The following KATNAL1 variants were observed in gnomAD, a reference collection of about 807,000 sequenced individuals.
The protein encoded by KATNAL1 is katanin p60 ATPase-containing subunit A-like 1.
A neutral mutation model predicts 55.2 loss-of-function variants in KATNAL1; 32 were observed. That is an observed-to-expected ratio of 0.58 (90% CI 0.44 to 0.78). The LOEUF (loss-of-function observed/expected upper bound fraction) is 0.78. Ranked by LOEUF, KATNAL1 falls within the 30% of genes least tolerant of loss-of-function variation. KATNAL1 has a pLI of 0.00. For synonymous variants in KATNAL1, 193 were observed against 193.6 expected (o/e 1.00, Z 0.02); for missense variants, 466 against 600.9 (o/e 0.78, Z 2.35).
At position 30,205,432 on chromosome 13, in the gene KATNAL1, A is replaced by G. The variant is rs1300847542; in HGVS notation, c.*3108T>C. On this transcript the variant is annotated 3_prime_UTR_variant, in exon 11 of 11. Transcript: ENST00000380615. The stretch of plus-strand genomic sequence containing the variant: ...CAAAGCAGACTTAGCTTAGTCCTAC[A>G]GTCATTGTGCTGCAGAACTCAAAAT... 1 of 152,294 alleles carries G rather than the reference A, an allele frequency of 6.6e-6. No homozygotes were observed. Among genetic ancestry groups the G allele is most frequent in the Non-Finnish European group, 1.5e-5 (1 of 68,078 alleles). The allele number at this position is 152,294 out of a possible 1,614,324, so 9.4% of individuals were successfully genotyped here.
chr13:30,274,948 C>CAA, intron 3 of KATNAL1, among the ~76,000 whole-genome samples: 1 of 148,042 alleles, frequency 6.8e-6, no homozygotes, highest in Non-Finnish European at 1.5e-5. Flanking sequence ...CACACACACA[C>CAA]ACACAGGAAT....
intron 3 of KATNAL1, among the ~76,000 whole-genome samples, chr13:30,262,028 A>G (rs1002244159): frequency 6.6e-6 from 1 of 152,198 alleles, no homozygotes; most frequent in African/African-American, 2.4e-5. Flanking sequence ...CTCTCAGACC[A>G]CAGTGCAATC....
In KATNAL1 at chr13:30,240,954, C is replaced by CT; in HGVS notation, c.620+4dup. On this transcript the variant is annotated splice_donor_region_variant and intron_variant, in intron 5 of 10. Coordinates refer to ENST00000380615, the MANE Select transcript of KATNAL1 (RefSeq NM_032116.5). ...CTTTAATTCAATAATTTGAAAGACT[C>CT]TAACCAATGAATGCTAGGATTCCTG... The CT allele has an allele frequency of 1.2e-6, 2 of 1,610,982 alleles. No individual in the cohort carries two copies. The highest frequency in any genetic ancestry group is 1.7e-6 in the Non-Finnish European group (2 of 1,178,916).
intron 3 of KATNAL1, among the ~76,000 whole-genome samples, chr13:30,271,517 G>A (rs764989634): frequency 4.6e-5 from 7 of 152,040 alleles, no homozygotes; most frequent in Non-Finnish European, 8.8e-5. Flanking sequence ...GGGTGCGGGC[G>A]GAAGGTCAGG....
At chr13:30,262,444 A>C (rs1879383033) in intron 3 of KATNAL1, among the ~76,000 whole-genome samples, 1 of 152,208 alleles carries the variant, frequency 6.6e-6, no homozygotes, top group Non-Finnish European at 1.5e-5. Flanking sequence ...GTTTTTTGAA[A>C]GGATCAAAAA....
At chr13:30,304,792 C>T (rs1331558846) in intron 1 of KATNAL1, among the ~76,000 whole-genome samples, 1 of 152,180 alleles carries the variant, frequency 6.6e-6, no homozygotes, top group Non-Finnish European at 1.5e-5. Flanking sequence ...CAACTAATAT[C>T]TTTATATTTC....
At chr13:30,274,907 G>GCGCGCGCGCGCACACACACACA (rs869107567) in intron 3 of KATNAL1, among the ~76,000 whole-genome samples, 1 of 105,390 alleles carries the variant, frequency 9.5e-6, no homozygotes, top group Non-Finnish European at 1.9e-5. Flanking sequence ...GCGCGCGCGC[G>GCGCGCGCGCGCACACACACACA]CACACACACA....
intron 10 of KATNAL1, among the ~76,000 whole-genome samples, chr13:30,208,991 C>G (rs539978708): frequency 6.6e-6 from 1 of 152,292 alleles, no homozygotes; most frequent in South Asian, 2.1e-4. Context: ...ACTGAATTTT[C>G]TTTTCTCCAC....
rs1295520190 is a variant in KATNAL1, at chr13:30,202,739, T to C, written c.*5801A>G. 1 of 152,198 alleles carries C rather than the reference T, an allele frequency of 6.6e-6. No individual in the cohort carries two copies. The highest frequency in any genetic ancestry group is 2.4e-5 in the African/African-American group (1 of 41,450). 9.4% of individuals were successfully genotyped at this position (152,198 alleles called of 1,614,324 possible). A position where few individuals can be genotyped will look rare whatever the true frequency, so the allele number is the denominator to read the frequency against. ...CACAAAAGGTAAGGAAAAACACATT[T>C]AATAAATACAACTTGGAAACGTCTT... On this transcript the variant is annotated 3_prime_UTR_variant, in exon 11 of 11. Coordinates refer to ENST00000380615, the MANE Select transcript of KATNAL1 (RefSeq NM_032116.5).
At position 30,203,558 on chromosome 13, in the gene KATNAL1, T is replaced by C. The variant is rs184894472; in HGVS notation, c.*4982A>G. On this transcript the variant is annotated 3_prime_UTR_variant, in exon 11 of 11. Coordinates refer to ENST00000380615, the MANE Select transcript of KATNAL1 (RefSeq NM_032116.5). ...TCTATACAAATTCCCTATTTTTTTG[T>C]GTCAAATTTCCATATGTACAAAAAC... 3 of 152,232 alleles carry C rather than the reference T, an allele frequency of 2.0e-5. No homozygotes were observed. Among genetic ancestry groups the C allele is most frequent in the African/African-American group, 7.2e-5 (3 of 41,462 alleles). The allele number at this position is 152,232 out of a possible 1,614,324, so 9.4% of individuals were successfully genotyped here.
At chr13:30,230,636 A>G in intron 7 of KATNAL1, 42 bp from the exon 8 acceptor site, 2 of 1,455,148 alleles carry the variant, frequency 1.4e-6, no homozygotes, top group Non-Finnish European at 1.9e-6. Flanking sequence ...ATAATCTCAT[A>G]AAACAATTGG....
At chr13:30,257,595 G>A (rs577242235) in intron 3 of KATNAL1, among the ~76,000 whole-genome samples, 10 of 152,272 alleles carry the variant, frequency 6.6e-5, no homozygotes, top group South Asian at 4.1e-4. Flanking sequence ...CTCAGCTTGC[G>A]ATTCAATGGC....
At chr13:30,223,802 A>G in intron 9 of KATNAL1, among the ~76,000 whole-genome samples, 1 of 152,226 alleles carries the variant, frequency 6.6e-6, no homozygotes, top group East Asian at 1.9e-4. Context: ...ACTGACAGAA[A>G]AACTAGACTA....
Position 30,205,964 on chromosome 13 carries a change from GTGTGTGTGTGTGTGTGTGT to G in KATNAL1, c.*2557_*2575del. 1 of 73,480 alleles carries G rather than the reference GTGTGTGTGTGTGTGTGTGT, an allele frequency of 1.4e-5. No homozygotes were observed. Among genetic ancestry groups the G allele is most frequent in the African/African-American group, 3.4e-5 (1 of 29,742 alleles). 4.6% of individuals were successfully genotyped at this position (73,480 alleles called of 1,614,324 possible). On this transcript the variant is annotated 3_prime_UTR_variant, in exon 11 of 11. Coordinates refer to ENST00000380615, the MANE Select transcript of KATNAL1 (RefSeq NM_032116.5). ...TGTGTGTGTGTGTGTGTGTGTGTGT[GTGTGTGTGTGTGTGTGTGT>G]TGTATATTAAAAGTTAGGGCCAGGT...
At position 30,217,178 on chromosome 13, in the gene KATNAL1, C is replaced by T. The variant is rs898259253; in HGVS notation, c.1148-6736G>A. ...CCATAAAACTGAGTTGATGGCCAGG[C>T]GCGGCGGCTCACGCCTGTAATCCCA... On this transcript the variant is annotated intron_variant, in intron 9 of 10. Transcript: ENST00000380615. Among the ~76,000 whole-genome samples the T allele has an allele frequency of 3.9e-5, 6 of 152,272 alleles. No individual in the cohort carries two copies. In the South Asian group the frequency reaches 6.2e-4, roughly 16 times the overall value.
intron 9 of KATNAL1, among the ~76,000 whole-genome samples, chr13:30,211,328 C>G (rs2137340427): frequency 6.6e-6 from 1 of 152,326 alleles, no homozygotes; most frequent in South Asian, 2.1e-4. Flanking sequence ...CCTCCCTCAA[C>G]TTTTTGAATT....
At chr13:30,226,716 A>G (rs1326314422) in intron 9 of KATNAL1, among the ~76,000 whole-genome samples, 1 of 152,214 alleles carries the variant, frequency 6.6e-6, no homozygotes, top group Non-Finnish European at 1.5e-5. Flanking sequence ...TTGTATGTAA[A>G]TTTTACCTCA....
chr13:30,227,403 A>C lies in KATNAL1; in HGVS notation c.1147+9T>G. On this transcript the variant is annotated intron_variant, in intron 9 of 10. Transcript: ENST00000380615. ...TAACAGAAAGCTCAAAATAGAGAAG[A>C]CATCATACCTGTTGGGAGAGGTATA... is the stretch of plus-strand genomic sequence containing the variant. 1 of 1,604,694 alleles carries C rather than the reference A, an allele frequency of 6.2e-7. No individual in the cohort carries two copies. Among genetic ancestry groups the C allele is most frequent in the South Asian group, 1.1e-5 (1 of 89,498 alleles).
At chr13:30,237,504 C>A (rs1876809760) in intron 6 of KATNAL1, among the ~76,000 whole-genome samples, 1 of 152,120 alleles carries the variant, frequency 6.6e-6, no homozygotes, top group South Asian at 2.1e-4. Flanking sequence ...TCCTTATTTT[C>A]TAAGTACAAT....
Sources: allele counts gnomAD v4.1 joint callset (sites outside exome capture counted in the v4.1 genomes callset), GRCh38; gene constraint gnomAD v4.1.1; transcripts MANE v1.5; gene names NCBI Gene and HGNC (gene_info 2026-07-23, HGNC 2026-07-21).